The following PKP4 variants were observed in gnomAD, a reference collection of about 807,000 sequenced individuals.
The protein encoded by PKP4 is plakophilin 4, also known as plakophilin-4.
PKP4 carries 90 observed loss-of-function variants against 145.1 expected under a neutral mutation model. The ratio of observed to expected loss-of-function variants is 0.62; its 90% CI spans 0.52 to 0.74. The LOEUF (loss-of-function observed/expected upper bound fraction) is 0.74. Ranked by LOEUF, PKP4 falls within the 30% of genes least tolerant of loss-of-function variation. PKP4 has a pLI of 0.00. For synonymous variants in PKP4, 563 were observed against 577.2 expected (o/e 0.98, Z 0.35); for missense variants, 1,340 against 1,482.7 (o/e 0.90, Z 1.58).
chr2:158,493,690 G>C (rs1486001248), intron 1 of PKP4, among the ~76,000 whole-genome samples: 1 of 152,232 alleles, frequency 6.6e-6, no homozygotes, highest in African/African-American at 2.4e-5. Flanking sequence ...GTCCCTGTAG[G>C]TGTCTAGCAC....
chr2:158,501,951 A>G (rs573651235), intron 1 of PKP4, among the ~76,000 whole-genome samples: 63 of 152,296 alleles, frequency 4.1e-4, no homozygotes, highest in African/African-American at 1.4e-3. Context: ...TGTGTGCCTC[A>G]GGAGCATGGT....
At chr2:158,651,944 GT>G (rs1397249814) in intron 11 of PKP4, among the ~76,000 whole-genome samples, 1 of 152,112 alleles carries the variant, frequency 6.6e-6, no homozygotes, top group African/African-American at 2.4e-5. Flanking sequence ...TGGTGTAACT[GT>G]TTGTGGTAAG....
rs2056532960 is a variant in PKP4 at position 158,661,104 on chromosome 2, C to G, written c.2094-229C>G. 5 of 394,620 alleles carry G rather than the reference C, an allele frequency of 1.3e-5. No individual in the cohort carries two copies. The South Asian group carries it at 1.7e-4, about 14-fold the overall frequency. The allele number at this position is 394,620 out of a possible 1,614,324, so 24.4% of individuals were successfully genotyped here. ...ATGAGGGAATTAGAAAGTGACACGT[C>G]ATGAGAGAGATACAGTCCAAATGTG... On this transcript the variant is annotated intron_variant, in intron 12 of 21. Transcript: ENST00000389759.
intron 1 of PKP4, among the ~76,000 whole-genome samples, chr2:158,521,427 T>G (rs1253171345): frequency 6.6e-6 from 1 of 152,210 alleles, no homozygotes; most frequent in African/African-American, 2.4e-5. Flanking sequence ...TAGTGAAAAA[T>G]AAATTCATAA....
At chr2:158,623,949 GA>G (rs1406110131) in intron 6 of PKP4, among the ~76,000 whole-genome samples, 1 of 152,108 alleles carries the variant, frequency 6.6e-6, no homozygotes, top group Non-Finnish European at 1.5e-5. Context: ...TGCACAGCAT[GA>G]AAAACAGTGT....
intron 15 of PKP4, among the ~76,000 whole-genome samples, chr2:158,664,484 T>C (rs2056897868): frequency 6.6e-6 from 1 of 152,198 alleles, no homozygotes; most frequent in Non-Finnish European, 1.5e-5. Flanking sequence ...AGGTGTATTT[T>C]AGTAGAGTTA....
At chr2:158,677,561 T>C (rs2058115090) in intron 20 of PKP4, among the ~76,000 whole-genome samples, 1 of 152,216 alleles carries the variant, frequency 6.6e-6, no homozygotes, top group Non-Finnish European at 1.5e-5. Context: ...CAGTGTGAGC[T>C]ACCCCACAAA....
At chr2:158,464,276 A>G (rs1383145580) in intron 1 of PKP4, among the ~76,000 whole-genome samples, 4 of 152,256 alleles carry the variant, frequency 2.6e-5, no homozygotes, top group African/African-American at 4.8e-5. Flanking sequence ...TCGTCAATCC[A>G]TATCTCATAG....
Position 158,640,640 on chromosome 2 carries a change from C to T in PKP4, c.1576C>T (p.Arg526Cys), listed in dbSNP as rs746233919. 1.1e-5 allele frequency: 18 copies of T among 1,613,110 alleles called. No homozygotes were observed. Among genetic ancestry groups the T allele is most frequent in the Non-Finnish European group, 1.4e-5 (16 of 1,179,900 alleles). Residue 526 changes from arginine to cysteine, a missense_variant, in exon 10 of 22, where the codon CGT becomes TGT. Transcript: ENST00000389759. ...IQKDPREFAW[R>C]DPELPEVIHM... Reference sequence around the variant, plus strand: ...TTTCTCATGTAGGGAGTTTGCCTGGCGTGATCCTGAGTTGCCTGAGGTCAT... The same window carrying T: ...TTTCTCATGTAGGGAGTTTGCCTGGTGTGATCCTGAGTTGCCTGAGGTCAT...
At chr2:158,590,557 A>G (rs2049182306) in intron 3 of PKP4, among the ~76,000 whole-genome samples, 2 of 152,040 alleles carry the variant, frequency 1.3e-5, no homozygotes, top group African/African-American at 4.8e-5. Flanking sequence ...ACCATAATAC[A>G]AGAACTAATG....
At chr2:158,569,108 C>T (rs1293942897) in intron 2 of PKP4, among the ~76,000 whole-genome samples, 1 of 152,182 alleles carries the variant, frequency 6.6e-6, no homozygotes, top group Non-Finnish European at 1.5e-5. Flanking sequence ...CCCCAAACCT[C>T]TCCTCCTTTA....
intron 2 of PKP4, among the ~76,000 whole-genome samples, chr2:158,560,482 G>A (rs1393693582): frequency 6.6e-6 from 1 of 152,060 alleles, no homozygotes; most frequent in Non-Finnish European, 1.5e-5. Flanking sequence ...ATGATCAGAA[G>A]ATAAAAGAGG....
chr2:158,482,059 C>A (rs1055349674), intron 1 of PKP4, among the ~76,000 whole-genome samples: 1 of 152,184 alleles, frequency 6.6e-6, no homozygotes, highest in Non-Finnish European at 1.5e-5. Context: ...CGTACCTGTG[C>A]TGTCTAAAAT....
intron 1 of PKP4, among the ~76,000 whole-genome samples, chr2:158,476,184 C>T (rs978206067): frequency 1.3e-5 from 2 of 152,160 alleles, no homozygotes; most frequent in Admixed American, 1.3e-4. Context: ...GCGATTGTAT[C>T]TTAGTAACTG....
intron 2 of PKP4, among the ~76,000 whole-genome samples, chr2:158,539,678 C>T (rs2105655457): frequency 6.6e-6 from 1 of 152,250 alleles, no homozygotes; most frequent in African/African-American, 2.4e-5. Flanking sequence ...TGAACTGCAG[C>T]ATCTAACCCA....
chr2:158,483,570 T>C (rs1377781744), intron 1 of PKP4, among the ~76,000 whole-genome samples: 1 of 152,120 alleles, frequency 6.6e-6, no homozygotes, highest in Non-Finnish European at 1.5e-5. Flanking sequence ...GTGTGGCAGG[T>C]TGGAAAGCAG....
intron 3 of PKP4, among the ~76,000 whole-genome samples, chr2:158,585,417 TTTATTTTTTAC>T: frequency 6.6e-6 from 1 of 152,240 alleles, no homozygotes; most frequent in Non-Finnish European, 1.5e-5. Flanking sequence ...ATTCAGATTT[TTTATTTTTTAC>T]ACTTGATCGA....
At chr2:158,548,124 A>G (rs2045248831) in intron 2 of PKP4, among the ~76,000 whole-genome samples, 1 of 152,218 alleles carries the variant, frequency 6.6e-6, no homozygotes. Context: ...TACTCTGTAC[A>G]GGAAACAATT....
At chr2:158,462,086 A>G (rs1286505946) in intron 1 of PKP4, among the ~76,000 whole-genome samples, 1 of 152,244 alleles carries the variant, frequency 6.6e-6, no homozygotes. Flanking sequence ...GCAGTTTTTC[A>G]TAGAAACCCA....
Sources: gnomAD v4.1 joint callset for allele counts (sites outside exome capture counted in the v4.1 genomes callset) on GRCh38, gnomAD v4.1.1 for gene constraint, MANE v1.5 for transcripts, NCBI Gene and HGNC (gene_info 2026-07-23, HGNC 2026-07-21) for gene names.